Variants in GLRA2 observed in about 807,000 individuals in gnomAD.
The protein encoded by GLRA2 is glycine receptor subunit alpha-2.
A neutral mutation model predicts 31.6 loss-of-function variants in GLRA2; 11 were observed. That is an observed-to-expected ratio of 0.35 (90% CI 0.22 to 0.58). The LOEUF (loss-of-function observed/expected upper bound fraction) is 0.58. GLRA2 is among the 20% of genes least tolerant of loss of function. The probability of loss-of-function intolerance (pLI) is 0.84; values close to 1 mark genes in which losing one functional copy is unlikely to be tolerated. For missense variants in GLRA2, 212 were observed against 351.8 expected (o/e 0.60, Z 3.18); for synonymous variants, 132 against 134.0 (o/e 0.99, Z 0.10).
chrX:14,581,686 G>C (rs2090018002), intron 4 of GLRA2, among the ~76,000 whole-genome samples: 1 of 108,888 alleles, frequency 9.2e-6, no homozygotes, highest in African/African-American at 3.4e-5. Context: ...GGAAGTACAG[G>C]CTATTCCGTT....
At chrX:14,537,397 A>T (rs2089340385) in intron 2 of GLRA2, among the ~76,000 whole-genome samples, 1 of 111,172 alleles carries the variant, frequency 9.0e-6, no homozygotes, top group Admixed American at 9.6e-5. Context: ...CAAAAGGGTA[A>T]TTAATTGTTA....
At chrX:14,614,677 T>C (rs757532213) in intron 7 of GLRA2, among the ~76,000 whole-genome samples, 1 of 112,338 alleles carries the variant, frequency 8.9e-6, no homozygotes, top group South Asian at 3.6e-4. Flanking sequence ...GTAAGAAAGA[T>C]ATTGGTGTTC....
intron 7 of GLRA2, among the ~76,000 whole-genome samples, chrX:14,671,133 T>C (rs1004601216): frequency 4.5e-5 from 5 of 112,036 alleles, no homozygotes; most frequent in African/African-American, 6.5e-5. Flanking sequence ...TTGAAGAATG[T>C]TTTTTGATTC....
the GLRA2 span, among the ~76,000 whole-genome samples, chrX:14,516,351 C>A: frequency 8.9e-6 from 1 of 111,859 alleles, no homozygotes; most frequent in East Asian, 2.8e-4. Context: ...GAGAATTTTT[C>A]TTCATGGCCA....
intron 7 of GLRA2, among the ~76,000 whole-genome samples, chrX:14,630,875 T>C (rs1475040474): frequency 9.2e-6 from 1 of 108,158 alleles, no homozygotes; most frequent in Non-Finnish European, 1.9e-5. Flanking sequence ...TCTCTGCTTT[T>C]AAGATAGTGC....
intron 8 of GLRA2, among the ~76,000 whole-genome samples, chrX:14,728,052 T>A (rs2091948181): frequency 8.9e-6 from 1 of 112,252 alleles, no homozygotes; most frequent in Admixed American, 9.5e-5. Flanking sequence ...AATAAAAGTA[T>A]GGAAAGATGG....
chrX:14,622,531 T>C (rs2090533482), intron 7 of GLRA2, among the ~76,000 whole-genome samples: 1 of 112,130 alleles, frequency 8.9e-6, no homozygotes, highest in Non-Finnish European at 1.9e-5. Flanking sequence ...GATTTTTGTA[T>C]AAGGTGTAAG....
the GLRA2 span, among the ~76,000 whole-genome samples, chrX:14,494,573 A>G: frequency 9.0e-6 from 1 of 111,227 alleles, no homozygotes; most frequent in East Asian, 2.8e-4. Flanking sequence ...ATATTCCCCA[A>G]TCCTAGCTAT....
the GLRA2 span, among the ~76,000 whole-genome samples, chrX:14,514,979 A>G: frequency 9.0e-6 from 1 of 110,602 alleles, no homozygotes; most frequent in Non-Finnish European, 1.9e-5. Flanking sequence ...TTTTTTTTGC[A>G]TCTTATACTT....
At chrX:14,553,662 G>A (rs779879666) in intron 2 of GLRA2, among the ~76,000 whole-genome samples, 1 of 111,469 alleles carries the variant, frequency 9.0e-6, no homozygotes, top group South Asian at 3.8e-4. Context: ...CTTCGTTGAG[G>A]GCATTCTCTG....
intron 4 of GLRA2, among the ~76,000 whole-genome samples, chrX:14,592,640 C>G (rs1225219991): frequency 9.0e-6 from 1 of 111,151 alleles, no homozygotes; most frequent in Non-Finnish European, 1.9e-5. Flanking sequence ...CCACTGCACT[C>G]CGGCCTTGAT....
chrX:14,725,700 A>G (rs775745137), intron 8 of GLRA2, among the ~76,000 whole-genome samples: 2 of 112,454 alleles, frequency 1.8e-5, no homozygotes, highest in South Asian at 7.3e-4. Flanking sequence ...AACTCCAGTG[A>G]GCTTTAGGTC....
intron 7 of GLRA2, among the ~76,000 whole-genome samples, chrX:14,679,274 T>C (rs1283152240): frequency 9.1e-6 from 1 of 110,408 alleles, no homozygotes; most frequent in African/African-American, 3.3e-5. Context: ...GAAGATCAGA[T>C]GATTCAGAGA....
the GLRA2 span, among the ~76,000 whole-genome samples, chrX:14,456,914 G>C: frequency 8.9e-6 from 1 of 111,751 alleles, no homozygotes; most frequent in Non-Finnish European, 1.9e-5. Flanking sequence ...TTTATTTGTA[G>C]TTACTTGAGG....
chrX:14,553,143 A>G (rs1269713700), intron 2 of GLRA2, among the ~76,000 whole-genome samples: 2 of 112,011 alleles, frequency 1.8e-5, no homozygotes, highest in Non-Finnish European at 3.8e-5. Context: ...AGGTAGAAAT[A>G]TGTAATATCA....
At chrX:14,711,735 C>T (rs1487515978) in intron 8 of GLRA2, among the ~76,000 whole-genome samples, 3 of 112,504 alleles carry the variant, frequency 2.7e-5, no homozygotes, top group Non-Finnish European at 5.6e-5. Context: ...GACTGAGGCA[C>T]GTAGTAAGTG....
At chrX:14,700,413 G>A in intron 8 of GLRA2, among the ~76,000 whole-genome samples, 1 of 111,083 alleles carries the variant, frequency 9.0e-6, no homozygotes, top group Middle Eastern at 4.6e-3. Context: ...ACTCCTGTGA[G>A]CACCAGCATA....
At chrX:14,652,962 A>G (rs961802688) in intron 7 of GLRA2, among the ~76,000 whole-genome samples, 4 of 111,796 alleles carry the variant, frequency 3.6e-5, no homozygotes, top group Admixed American at 2.8e-4. Flanking sequence ...GTGAATACAA[A>G]GAAAAAGTTA....
At chrX:14,509,462 G>C in the GLRA2 span, among the ~76,000 whole-genome samples, 1 of 112,613 alleles carries the variant, frequency 8.9e-6, no homozygotes, top group African/African-American at 3.2e-5. Context: ...GCTCTGTATT[G>C]TGCCCTGAGG....
Sources: gnomAD v4.1 joint callset for allele counts (sites outside exome capture counted in the v4.1 genomes callset) on GRCh38, gnomAD v4.1.1 for gene constraint, MANE v1.5 for transcripts, NCBI Gene and HGNC (gene_info 2026-07-23, HGNC 2026-07-21) for gene names.